The following PITPNC1 variants were observed in gnomAD, a reference collection of about 807,000 sequenced individuals.
The protein encoded by PITPNC1 is cytoplasmic phosphatidylinositol transfer protein 1.
PITPNC1 carries 18 observed loss-of-function variants against 44.7 expected under a neutral mutation model. The observed-to-expected ratio is 0.40, with a 90% CI of 0.28 to 0.60. The LOEUF is 0.60. Among genes scored for constraint, PITPNC1 ranks in the 20% least tolerant of loss-of-function variants. The pLI, the probability that PITPNC1 is intolerant of heterozygous loss-of-function variation, is 0.39. For synonymous variants in PITPNC1, 141 were observed against 149.6 expected (o/e 0.94, Z 0.42); for missense variants, 290 against 418.4 (o/e 0.69, Z 2.68).
intron 2 of PITPNC1, among the ~76,000 whole-genome samples, chr17:67,549,815 T>C (rs752925003): frequency 3.3e-5 from 5 of 152,152 alleles, no homozygotes; most frequent in African/African-American, 4.8e-5. Flanking sequence ...GGGAGACATA[T>C]GCGCTTTGTC....
At chr17:67,443,435 T>C (rs2039044842) in intron 1 of PITPNC1, among the ~76,000 whole-genome samples, 1 of 151,978 alleles carries the variant, frequency 6.6e-6, no homozygotes, top group Non-Finnish European at 1.5e-5. Context: ...GTGGTTGCAT[T>C]CATTTTTCGA....
intron 1 of PITPNC1, among the ~76,000 whole-genome samples, chr17:67,465,230 A>C (rs1010380216): frequency 1.2e-4 from 18 of 152,192 alleles, no homozygotes; most frequent in African/African-American, 4.3e-4. Context: ...CTCTAAGGTG[A>C]AGATTTGGGG....
chr17:67,378,288 G>A (rs1247742376), intron 1 of PITPNC1, 86 bp downstream of exon 1: 2 of 874,170 alleles, frequency 2.3e-6, no homozygotes, highest in Non-Finnish European at 3.3e-6. Context: ...CCGGGCGAGC[G>A]GCAGGAAACC....
chr17:67,381,393 A>G (rs977118176), intron 1 of PITPNC1, among the ~76,000 whole-genome samples: 26 of 136,104 alleles, frequency 1.9e-4, no homozygotes, highest in Admixed American at 1.3e-3. Flanking sequence ...CTGGGAGCCT[A>G]ACTTTTGCTT....
At chr17:67,661,612 AG>A (rs2042348375) in intron 6 of PITPNC1, among the ~76,000 whole-genome samples, 1 of 152,118 alleles carries the variant, frequency 6.6e-6, no homozygotes, top group Non-Finnish European at 1.5e-5. Flanking sequence ...CTACACCCCC[AG>A]GGCAAAGAAA....
At chr17:67,502,635 T>C (rs1168643955) in intron 1 of PITPNC1, among the ~76,000 whole-genome samples, 1 of 152,170 alleles carries the variant, frequency 6.6e-6, no homozygotes, top group Non-Finnish European at 1.5e-5. Flanking sequence ...CTTGATCCTT[T>C]CTCATGAAGG....
chr17:67,497,157 A>G (rs2039962841), intron 1 of PITPNC1, among the ~76,000 whole-genome samples: 1 of 152,070 alleles, frequency 6.6e-6, no homozygotes, highest in South Asian at 2.1e-4. Flanking sequence ...TAACATGAGA[A>G]TAAAACTTAT....
intron 6 of PITPNC1, among the ~76,000 whole-genome samples, chr17:67,633,819 C>T (rs900085410): frequency 1.3e-5 from 2 of 152,276 alleles, no homozygotes; most frequent in Non-Finnish European, 2.9e-5. Context: ...GCTGTCCTAC[C>T]TGGACCTCCC....
intron 1 of PITPNC1, among the ~76,000 whole-genome samples, chr17:67,411,344 G>A (rs992745493): frequency 2.0e-5 from 3 of 152,148 alleles, no homozygotes; most frequent in Admixed American, 6.5e-5. Flanking sequence ...CAAATCTACA[G>A]CTTATAAAGA....
At chr17:67,405,172 A>G (rs1330738803) in intron 1 of PITPNC1, among the ~76,000 whole-genome samples, 2 of 152,014 alleles carry the variant, frequency 1.3e-5, no homozygotes, top group Non-Finnish European at 2.9e-5. Flanking sequence ...ACTTGAACCC[A>G]GGAGTTGGAG....
chr17:67,621,778 C>G lies in PITPNC1; in HGVS notation c.367-10365C>G, dbSNP rs574326942. Among the ~76,000 whole-genome samples the G allele has an allele frequency of 5.3e-5, 8 of 151,996 alleles. No homozygotes were observed. The South Asian group carries it at 1.5e-3, about 28-fold the overall frequency. On this transcript the variant is annotated intron_variant, in intron 5 of 8. Transcript: ENST00000581322. ...TATCTTAAGAACAAATAACAGTTAC[C>G]CAACTCTGTCTTCTGCAAAACAGAA...
Position 67,692,741 on chromosome 17 carries a change from A to T in PITPNC1, c.852A>T (p.Ala284=). The T allele has an allele frequency of 6.2e-7, 1 of 1,613,746 alleles. No homozygotes were observed. The highest frequency in any genetic ancestry group is 2.2e-5 in the East Asian group (1 of 44,882). ...CATCCACCCCTCTCTCCACAGACGC[A>T]CCCGAATTTCTGTCCGTTCCCAAAG... ...SAPSTPLSTD[A]PEFLSVPKDR... The change falls in exon 9 of 9, where the codon GCA becomes GCT. Residue 284 remains alanine, a synonymous_variant. Transcript: ENST00000581322.
At chr17:67,541,867 G>T (rs916518511) in intron 2 of PITPNC1, among the ~76,000 whole-genome samples, 88 of 152,212 alleles carry the variant, frequency 5.8e-4, no homozygotes, top group Non-Finnish European at 2.9e-5. Flanking sequence ...CCAGGAGAAA[G>T]ACTTCGGCTC....
intron 6 of PITPNC1, among the ~76,000 whole-genome samples, chr17:67,646,870 T>C (rs571370749): frequency 6.6e-6 from 1 of 152,212 alleles, no homozygotes; most frequent in African/African-American, 2.4e-5. Context: ...AAACTGAGGC[T>C]TAGAGAGTCT....
At chr17:67,496,938 A>G (rs1455267876) in intron 1 of PITPNC1, among the ~76,000 whole-genome samples, 1 of 150,650 alleles carries the variant, frequency 6.6e-6, no homozygotes, top group Non-Finnish European at 1.5e-5. Context: ...GTGCTGTTTT[A>G]TCCTTTTGGA....
intron 6 of PITPNC1, among the ~76,000 whole-genome samples, chr17:67,649,829 T>C (rs898461502): frequency 3.3e-5 from 5 of 152,132 alleles, no homozygotes; most frequent in Non-Finnish European, 2.9e-5. Context: ...AACATTTACT[T>C]AGATTTACCA....
intron 1 of PITPNC1, among the ~76,000 whole-genome samples, chr17:67,447,042 AT>A (rs1182873960): frequency 3.1e-5 from 4 of 130,176 alleles, no homozygotes; most frequent in African/African-American, 1.1e-4. Flanking sequence ...GTAAGCCAAG[AT>A]TGTGCCACTG....
At chr17:67,391,850 GA>G (rs1283718450) in intron 1 of PITPNC1, among the ~76,000 whole-genome samples, 1 of 152,166 alleles carries the variant, frequency 6.6e-6, no homozygotes, top group Admixed American at 6.5e-5. Flanking sequence ...GGGAAAGGTA[GA>G]TGTTCTGTCC....
intron 5 of PITPNC1, among the ~76,000 whole-genome samples, chr17:67,604,066 A>AT (rs1409965976): frequency 5.3e-5 from 8 of 152,200 alleles, no homozygotes; most frequent in African/African-American, 1.9e-4. Context: ...TCAAAGGAAT[A>AT]TTTTTCTCCT....
Sources: allele counts gnomAD v4.1 joint callset (sites outside exome capture counted in the v4.1 genomes callset), GRCh38; gene constraint gnomAD v4.1.1; transcripts MANE v1.5; gene names NCBI Gene and HGNC (gene_info 2026-07-23, HGNC 2026-07-21).